Variants in ERO1B observed in about 807,000 individuals in gnomAD.
ERO1B encodes the protein ERO1-like protein beta.
Under a neutral mutation model 75.3 loss-of-function variants are expected in ERO1B, and 49 were observed. The ratio of observed to expected loss-of-function variants is 0.65; its 90% CI spans 0.52 to 0.83. The LOEUF is 0.83. Ranked by LOEUF, ERO1B falls within the 40% of genes least tolerant of loss-of-function variation. The pLI is 0.00. For synonymous variants in ERO1B, 191 were observed against 192.9 expected (o/e 0.99, Z 0.08); for missense variants, 512 against 560.1 (o/e 0.91, Z 0.87).
intron 14 of ERO1B, chr1:236,221,698 T>C (rs376466283): frequency 7.9e-5 from 36 of 458,536 alleles, no homozygotes; most frequent in Admixed American, 1.6e-4. Context: ...AATAGAAACA[T>C]AGACACAATA....
intron 4 of ERO1B, among the ~76,000 whole-genome samples, 163 bp from the exon 5 acceptor site, chr1:236,250,130 C>G (rs1664980268): frequency 6.6e-6 from 1 of 152,014 alleles, no homozygotes; most frequent in Non-Finnish European, 1.5e-5. Flanking sequence ...GAAAATGAGG[C>G]AGAAATTTCC....
chr1:236,244,480 T>C (rs1664790783), intron 5 of ERO1B, among the ~76,000 whole-genome samples: 1 of 152,222 alleles, frequency 6.6e-6, no homozygotes, highest in South Asian at 2.1e-4. Flanking sequence ...CTGAAATACG[T>C]GATGCCATAA....
At chr1:236,259,170 A>G (rs1156359335) in intron 2 of ERO1B, among the ~76,000 whole-genome samples, 1 of 152,204 alleles carries the variant, frequency 6.6e-6, no homozygotes, top group Non-Finnish European at 1.5e-5. Flanking sequence ...TATCAGCTGA[A>G]AACAGCCTGC....
At chr1:236,276,877 A>G (rs921705927) in intron 1 of ERO1B, among the ~76,000 whole-genome samples, 1 of 152,144 alleles carries the variant, frequency 6.6e-6, no homozygotes, top group African/African-American at 2.4e-5. Flanking sequence ...TATAATCCCC[A>G]GTGTTGGGGA....
rs67247823 is a variant in ERO1B, at chr1:236,238,540, TAAA to T, written c.506-2145_506-2143del. Among the ~76,000 whole-genome samples, 628 of 114,280 alleles carry T rather than the reference TAAA, an allele frequency of 5.5e-3. 3 individuals are homozygous for T. Among genetic ancestry groups the T allele is most frequent in the African/African-American group, 0.019 (564 of 29,902 alleles). 75.0% of individuals were successfully genotyped at this position (114,280 alleles called of 152,430 possible). A position where few individuals can be genotyped will look rare whatever the true frequency, so the allele number is the denominator to read the frequency against. ...GCAACAGCCTTTTTTTTTTTTTTTTTAAAAAAAAAAAGAAAGTATGGCTTTTAG... is the reference window on the plus strand; with the variant it reads ...GCAACAGCCTTTTTTTTTTTTTTTTTAAAAAAAAGAAAGTATGGCTTTTAG... On this transcript the variant is annotated intron_variant, in intron 6 of 15. Coordinates refer to ENST00000354619, the MANE Select transcript of ERO1B (RefSeq NM_019891.4).
chr1:236,281,772 C>T lies in ERO1B; in HGVS notation c.12G>A (p.Gly4=), dbSNP rs957469405. ...CCTGCCCAGCGCCTGCCCGGCGGAC[C>T]CCTTGGCTCATGCTGACCTCTACCC... is the stretch of plus-strand genomic sequence containing the variant. MSQ[G]VRRAGAGQGV... Residue 4 remains glycine, a synonymous_variant, in exon 1 of 16, where the codon GGG becomes GGA. Coordinates refer to ENST00000354619, the MANE Select transcript of ERO1B (RefSeq NM_019891.4). The T allele has an allele frequency of 5.3e-6, 8 of 1,511,742 alleles. No homozygotes were observed. The highest frequency in any genetic ancestry group is 7.1e-6 in the Non-Finnish European group (8 of 1,132,696). The allele number at this position is 1,511,742 out of a possible 1,614,324, so 93.6% of individuals were successfully genotyped here.
rs764354290 is a variant in ERO1B, at chr1:236,239,835, G to GTATATATATATGTGTATATACA, written c.506-3438_506-3437insTGTATATACACATATATATATA. On this transcript the variant is annotated intron_variant, in intron 6 of 15. Coordinates refer to ENST00000354619, the MANE Select transcript of ERO1B (RefSeq NM_019891.4). ...TGTATATATATATGTGTATATATAT[G>GTATATATATATGTGTATATACA]TGTATATATATATGTGTATATATGT... Among the ~76,000 whole-genome samples, 5 of 42,352 alleles carry GTATATATATATGTGTATATACA rather than the reference G, an allele frequency of 1.2e-4. 1 individual carries two copies. Among genetic ancestry groups the GTATATATATATGTGTATATACA allele is most frequent in the Non-Finnish European group, 1.7e-4 (2 of 12,054 alleles). 27.8% of individuals were successfully genotyped at this position (42,352 alleles called of 152,430 possible).
chr1:236,225,169 A>G (rs1434104788), intron 12 of ERO1B, 30 bp from the exon 13 acceptor site: 1 of 1,605,972 alleles, frequency 6.2e-7, no homozygotes, highest in Non-Finnish European at 8.5e-7. Context: ...GGATTAAGTT[A>G]CACATGAAAA....
At chr1:236,245,435 T>C (rs12032628) in intron 5 of ERO1B, among the ~76,000 whole-genome samples, 1 of 49,246 alleles carries the variant, frequency 2.0e-5, no homozygotes, top group African/African-American at 7.0e-5. Flanking sequence ...CGTATATATA[T>C]ACACACGTAT....
intron 2 of ERO1B, among the ~76,000 whole-genome samples, chr1:236,262,413 GT>G (rs1193160603): frequency 6.6e-6 from 1 of 151,840 alleles, no homozygotes; most frequent in Non-Finnish European, 1.5e-5. Context: ...TTTTTTGTTT[GT>G]TTTTTTGAGA....
intron 13 of ERO1B, 93 bp from the exon 14 acceptor site, chr1:236,222,103 A>C: frequency 1.1e-6 from 1 of 932,156 alleles, no homozygotes. Flanking sequence ...CTTATTAATA[A>C]ATCAGTTGTG....
At chr1:236,266,742 C>A (rs1041634102) in intron 2 of ERO1B, among the ~76,000 whole-genome samples, 1 of 151,778 alleles carries the variant, frequency 6.6e-6, no homozygotes. Context: ...CTTCTTATTT[C>A]TTTTATAGGC....
At chr1:236,248,829 G>A (rs1317447820) in intron 5 of ERO1B, among the ~76,000 whole-genome samples, 1 of 151,984 alleles carries the variant, frequency 6.6e-6, no homozygotes, top group African/African-American at 2.4e-5. Context: ...TATCTGTGAT[G>A]TTTCTTGTTC....
chr1:236,227,376 C>T (rs1204098906), intron 10 of ERO1B, among the ~76,000 whole-genome samples: 1 of 152,084 alleles, frequency 6.6e-6, no homozygotes, highest in Non-Finnish European at 1.5e-5. Flanking sequence ...GGCTTTTTTG[C>T]TGAGAACTTA....
At chr1:236,253,027 T>C (rs1409390852) in intron 3 of ERO1B, among the ~76,000 whole-genome samples, 2 of 152,064 alleles carry the variant, frequency 1.3e-5, no homozygotes, top group African/African-American at 4.8e-5. Flanking sequence ...ATTTCCCCAA[T>C]TAAATCACTA....
chr1:236,231,612 G>T lies in ERO1B; in HGVS notation c.685+1216C>A, dbSNP rs552819938. Among the ~76,000 whole-genome samples the T allele has an allele frequency of 2.5e-3, 381 of 150,786 alleles. 5 individuals are homozygous for T. Among genetic ancestry groups the T allele is most frequent in the Non-Finnish European group, 8.0e-4 (54 of 67,894 alleles). ...AATCAAAATTGTTAATGCACTTCCT[G>T]CGTTACCTATCCTTGATGTTGTTTT... is the stretch of plus-strand genomic sequence containing the variant. On this transcript the variant is annotated intron_variant, in intron 9 of 15. Coordinates refer to ENST00000354619, the MANE Select transcript of ERO1B (RefSeq NM_019891.4).
At chr1:236,220,557 GT>G (rs1664111081) in intron 15 of ERO1B, 1 of 220,448 alleles carries the variant, frequency 4.5e-6, no homozygotes, top group Non-Finnish European at 8.7e-6. Flanking sequence ...AGTTGAACAA[GT>G]TATAGCCAAG....
At chr1:236,225,482 T>C (rs925846500) in intron 12 of ERO1B, among the ~76,000 whole-genome samples, 3 of 152,244 alleles carry the variant, frequency 2.0e-5, no homozygotes, top group African/African-American at 4.8e-5. Context: ...TTAAACACTT[T>C]TTAATCTTTC....
rs1345617931 is a variant in ERO1B, at chr1:236,223,224, AG to A, written c.1123-1215del. Among the ~76,000 whole-genome samples the A allele has an allele frequency of 3.7e-3, 477 of 130,252 alleles. 4 individuals carry two copies. The East Asian group carries it at 0.04, about 11-fold the overall frequency. 85.5% of individuals were successfully genotyped at this position (130,252 alleles called of 152,430 possible). A position where few individuals can be genotyped will look rare whatever the true frequency, so the allele number is the denominator to read the frequency against. ...TCTCAAAAAAAAAAAAAAAAAAAAAAGAGAAGTTTCCTACACTGGGGAAATT... is the reference window on the plus strand; with the variant it reads ...TCTCAAAAAAAAAAAAAAAAAAAAAAAGAAGTTTCCTACACTGGGGAAATT... On this transcript the variant is annotated intron_variant, in intron 13 of 15. Transcript: ENST00000354619.
Sources: allele counts gnomAD v4.1 joint callset (sites outside exome capture counted in the v4.1 genomes callset), GRCh38; gene constraint gnomAD v4.1.1; transcripts MANE v1.5; gene names NCBI Gene and HGNC (gene_info 2026-07-23, HGNC 2026-07-21).